The following NPAS3 variants were observed in gnomAD, a reference collection of about 807,000 sequenced individuals.
The protein encoded by NPAS3 is neuronal PAS domain protein 3, also known as neuronal PAS domain-containing protein 3.
NPAS3 carries 14 observed loss-of-function variants against 73.1 expected under a neutral mutation model. The observed-to-expected ratio is 0.19, with a 90% CI of 0.13 to 0.30. The LOEUF (loss-of-function observed/expected upper bound fraction) is 0.30. NPAS3 is among the 10% of genes least tolerant of loss of function. The pLI is 1.00. For synonymous variants in NPAS3, 620 were observed against 541.5 expected (o/e 1.14, Z -2.01); for missense variants, 1,096 against 1,250.0 (o/e 0.88, Z 1.86).
chr14:33,324,932 A>G (rs1412019768), intron 3 of NPAS3, among the ~76,000 whole-genome samples: 2 of 151,962 alleles, frequency 1.3e-5, no homozygotes, highest in East Asian at 1.9e-4. Flanking sequence ...CATCACTGTT[A>G]TTGTTTGTTT....
chr14:33,766,498 A>T (rs1019738518), intron 7 of NPAS3, among the ~76,000 whole-genome samples: 2 of 152,104 alleles, frequency 1.3e-5, no homozygotes, highest in African/African-American at 2.4e-5. Context: ...CTTCGTTCCT[A>T]ACTTTGGCTG....
At chr14:33,396,006 C>G (rs193249074) in intron 4 of NPAS3, among the ~76,000 whole-genome samples, 256 of 152,218 alleles carry the variant, frequency 1.7e-3, no homozygotes, top group African/African-American at 5.6e-3. Context: ...GGCTTTGCCC[C>G]CATTCCCTCC....
At chr14:33,148,819 C>T (rs1298581668) in intron 2 of NPAS3, among the ~76,000 whole-genome samples, 1 of 152,084 alleles carries the variant, frequency 6.6e-6, no homozygotes, top group Non-Finnish European at 1.5e-5. Flanking sequence ...TCCCAAGTAG[C>T]TAGGACCACT....
At chr14:33,748,163 TTCTTCCTTGGGTCAGTGTTCTACA>T (rs1344108107) in intron 7 of NPAS3, among the ~76,000 whole-genome samples, 1 of 152,228 alleles carries the variant, frequency 6.6e-6, no homozygotes, top group Non-Finnish European at 1.5e-5. Context: ...CAGAACATAT[TTCTTCCTTGGGTCAGTGTTCTACA>T]TCTTCCTTGA....
At chr14:33,664,931 T>C (rs2059409826) in intron 5 of NPAS3, among the ~76,000 whole-genome samples, 1 of 152,198 alleles carries the variant, frequency 6.6e-6, no homozygotes, top group Non-Finnish European at 1.5e-5. Context: ...CGTTCAACCA[T>C]TGTGGAAGAC....
intron 4 of NPAS3, among the ~76,000 whole-genome samples, chr14:33,526,805 G>A (rs185247475): frequency 9.1e-4 from 138 of 152,150 alleles, no homozygotes; most frequent in African/African-American, 3.2e-3. Context: ...CAGCCAAAGC[G>A]GCACATCATT....
intron 8 of NPAS3, 36 bp downstream of exon 8, chr14:33,774,566 G>T (rs138018650): frequency 1.3e-6 from 2 of 1,537,434 alleles, no homozygotes; most frequent in African/African-American, 1.4e-5. Context: ...CCTGTTGCAC[G>T]TTGCACATTG....
intron 2 of NPAS3, among the ~76,000 whole-genome samples, chr14:33,095,068 C>T (rs2042360735): frequency 6.6e-6 from 1 of 152,180 alleles, no homozygotes; most frequent in African/African-American, 2.4e-5. Flanking sequence ...TACGTTGGGA[C>T]ATTGAACAAG....
At chr14:33,568,792 A>G (rs963401420) in intron 5 of NPAS3, among the ~76,000 whole-genome samples, 9 of 152,194 alleles carry the variant, frequency 5.9e-5, no homozygotes, top group Admixed American at 4.6e-4. Context: ...AGATTTTTGC[A>G]TAAGTTCTAG....
chr14:33,093,782 T>C (rs2042311382), intron 2 of NPAS3, among the ~76,000 whole-genome samples: 1 of 152,150 alleles, frequency 6.6e-6, no homozygotes. Context: ...TGGAATACTA[T>C]GCAGCTACAA....
chr14:33,366,527 C>T (rs1057237276), intron 3 of NPAS3, among the ~76,000 whole-genome samples: 8 of 152,170 alleles, frequency 5.3e-5, no homozygotes, highest in African/African-American at 1.9e-4. Context: ...GAAACAGTCA[C>T]TGACCTGGTG....
At chr14:33,465,016 G>T (rs935620848) in intron 4 of NPAS3, among the ~76,000 whole-genome samples, 1 of 152,080 alleles carries the variant, frequency 6.6e-6, no homozygotes, top group Non-Finnish European at 1.5e-5. Flanking sequence ...AGTAAATAGG[G>T]ATCTTGCTTT....
At chr14:33,444,662 C>T (rs1180714578) in intron 4 of NPAS3, among the ~76,000 whole-genome samples, 1 of 152,222 alleles carries the variant, frequency 6.6e-6, no homozygotes, top group African/African-American at 2.4e-5. Context: ...GTGGATCGGC[C>T]TGGGTAGTGT....
chr14:33,715,696 A>T (rs2060939229), intron 6 of NPAS3, among the ~76,000 whole-genome samples: 1 of 152,208 alleles, frequency 6.6e-6, no homozygotes, highest in Non-Finnish European at 1.5e-5. Context: ...TCTACAAAAT[A>T]AAGTTTAATA....
At chr14:33,799,602 G>A in intron 11 of NPAS3, 132 bp from the exon 12 acceptor site, 1 of 864,426 alleles carries the variant, frequency 1.2e-6, no homozygotes, top group African/African-American at 1.7e-5. Context: ...AGAAGCCCGT[G>A]ATGAGGACGG....
At chr14:33,514,623 A>T (rs184669621) in intron 4 of NPAS3, among the ~76,000 whole-genome samples, 146 of 152,202 alleles carry the variant, frequency 9.6e-4, no homozygotes, top group Non-Finnish European at 1.3e-3. Context: ...TGAATTTGAA[A>T]TTAGAACATG....
At chr14:33,581,347 T>C (rs925457996) in intron 5 of NPAS3, among the ~76,000 whole-genome samples, 8 of 152,266 alleles carry the variant, frequency 5.3e-5, no homozygotes, top group Middle Eastern at 3.4e-3. Flanking sequence ...GACAAGTCCT[T>C]TAATTAAAAA....
chr14:33,413,468 T>C (rs1052136023), intron 4 of NPAS3, among the ~76,000 whole-genome samples: 3 of 152,068 alleles, frequency 2.0e-5, no homozygotes, highest in Admixed American at 6.6e-5. Flanking sequence ...CTTTTGGAGA[T>C]AGATATTGAT....
At chr14:33,280,242 G>A (rs1184148087) in intron 3 of NPAS3, among the ~76,000 whole-genome samples, 1 of 151,990 alleles carries the variant, frequency 6.6e-6, no homozygotes, top group Non-Finnish European at 1.5e-5. Flanking sequence ...GTCTCCTTTT[G>A]GGTGACAAAT....
Sources: gnomAD v4.1 joint callset for allele counts (sites outside exome capture counted in the v4.1 genomes callset) on GRCh38, gnomAD v4.1.1 for gene constraint, MANE v1.5 for transcripts, NCBI Gene and HGNC (gene_info 2026-07-23, HGNC 2026-07-21) for gene names.